Variants in ROR1 observed in about 807,000 individuals in gnomAD.
ROR1 encodes ROR family WNT receptor 1.
ROR1 carries 19 observed loss-of-function variants against 78.8 expected under a neutral mutation model. The observed-to-expected ratio is 0.24, with a 90% CI of 0.17 to 0.35. The LOEUF is 0.35. Ranked by LOEUF, ROR1 falls within the 10% of genes least tolerant of loss-of-function variation. ROR1 has a pLI of 1.00. For synonymous variants in ROR1, 386 were observed against 433.6 expected (o/e 0.89, Z 1.36); for missense variants, 917 against 1,177.8 (o/e 0.78, Z 3.24).
intron 5 of ROR1, among the ~76,000 whole-genome samples, chr1:64,139,558 A>G (rs1649234483): frequency 6.6e-6 from 1 of 152,226 alleles, no homozygotes; most frequent in African/African-American, 2.4e-5. Flanking sequence ...GAACAATTGT[A>G]CTGTGCTCTT....
rs185471079 is a variant in ROR1 at position 64,078,542 on chromosome 1, C to T, written c.482+27826C>T. 6.6e-5 allele frequency among the ~76,000 whole-genome samples: 10 copies of T among 152,132 alleles called. No individual in the cohort carries two copies. The South Asian group carries it at 8.3e-4, about 13-fold the overall frequency. ...GGAGGGATGGCCACGTTTGTTGGTTCACTTTTGAGATGCAGAGCCTATTCC... is the reference window on the plus strand; with the variant it reads ...GGAGGGATGGCCACGTTTGTTGGTTTACTTTTGAGATGCAGAGCCTATTCC... On this transcript the variant is annotated intron_variant, in intron 4 of 8. Transcript: ENST00000371079.
At chr1:64,057,550 T>C (rs1377932423) in intron 4 of ROR1, among the ~76,000 whole-genome samples, 1 of 152,356 alleles carries the variant, frequency 6.6e-6, no homozygotes, top group South Asian at 2.1e-4. Context: ...GCTCATGCCA[T>C]AGTCCACAGG....
rs1032187853 is a variant in ROR1, at chr1:64,179,059, A to G, written c.*204A>G. 5.8e-6 allele frequency: 3 copies of G among 518,236 alleles called. No individual in the cohort carries two copies. Among genetic ancestry groups the G allele is most frequent in the African/African-American group, 1.9e-5 (1 of 51,472 alleles). 32.1% of individuals were successfully genotyped at this position (518,236 alleles called of 1,614,324 possible). On this transcript the variant is annotated 3_prime_UTR_variant, in exon 9 of 9. Coordinates refer to ENST00000371079, the MANE Select transcript of ROR1 (RefSeq NM_005012.4). ...AAAAAAAAAAAAACAAGCAAACAAAAACATTGTGGGATGTGCACTCCATTG... is the reference window on the plus strand; with the variant it reads ...AAAAAAAAAAAAACAAGCAAACAAAGACATTGTGGGATGTGCACTCCATTG...
intron 2 of ROR1, among the ~76,000 whole-genome samples, chr1:64,034,524 G>A (rs1184720737): frequency 2.0e-5 from 3 of 152,046 alleles, no homozygotes; most frequent in Non-Finnish European, 4.4e-5. Context: ...GAATTATTGA[G>A]TCCCCCCTCT....
intron 8 of ROR1, among the ~76,000 whole-genome samples, chr1:64,164,992 T>G (rs1650047189): frequency 6.6e-6 from 1 of 152,210 alleles, no homozygotes; most frequent in African/African-American, 2.4e-5. Context: ...ATTTTCTTTA[T>G]CCAGTCTATC....
chr1:64,129,943 G>A lies in ROR1; in HGVS notation c.483-7426G>A, dbSNP rs1472672902. ...TGAGTTGGACACAAGTAACTCTTCC[G>A]TGCTGCTCTGGAAACTATGACAGAA... On this transcript the variant is annotated intron_variant, in intron 4 of 8. Coordinates refer to ENST00000371079, the MANE Select transcript of ROR1 (RefSeq NM_005012.4). Among the ~76,000 whole-genome samples, 8 of 151,988 alleles carry A rather than the reference G, an allele frequency of 5.3e-5. No homozygotes were observed. The South Asian group carries it at 6.2e-4, about 12-fold the overall frequency.
intron 1 of ROR1, among the ~76,000 whole-genome samples, chr1:63,795,337 A>G (rs927529039): frequency 2.0e-4 from 31 of 152,282 alleles, no homozygotes; most frequent in African/African-American, 7.2e-4. Flanking sequence ...AATCCAAAGT[A>G]TTTGCATTGA....
intron 3 of ROR1, among the ~76,000 whole-genome samples, chr1:64,050,469 G>A (rs1425346021): frequency 6.6e-6 from 1 of 151,540 alleles, no homozygotes; most frequent in Non-Finnish European, 1.5e-5. Context: ...AGCATTTTCA[G>A]GCCCTGAATT....
intron 1 of ROR1, among the ~76,000 whole-genome samples, chr1:63,835,054 C>T (rs1180205703): frequency 6.6e-6 from 1 of 152,128 alleles, no homozygotes; most frequent in Non-Finnish European, 1.5e-5. Context: ...CCCCTAAAGT[C>T]ACACAGCTTC....
At chr1:64,023,568 C>A (rs1646582814) in intron 2 of ROR1, among the ~76,000 whole-genome samples, 1 of 152,136 alleles carries the variant, frequency 6.6e-6, no homozygotes, top group African/African-American at 2.4e-5. Flanking sequence ...CTAGCTCTTG[C>A]AATATCTAAA....
At chr1:64,165,616 T>C (rs578073977) in intron 8 of ROR1, among the ~76,000 whole-genome samples, 1 of 152,266 alleles carries the variant, frequency 6.6e-6, no homozygotes, top group African/African-American at 2.4e-5. Flanking sequence ...TTTTGGTGTC[T>C]TCGTCATGAA....
At chr1:64,037,577 G>T (rs1161439174) in intron 2 of ROR1, among the ~76,000 whole-genome samples, 1 of 152,126 alleles carries the variant, frequency 6.6e-6, no homozygotes, top group Non-Finnish European at 1.5e-5. Flanking sequence ...GTGATGAAAA[G>T]ATGCCTTGGG....
chr1:63,994,908 C>A (rs1414690456), intron 1 of ROR1, among the ~76,000 whole-genome samples: 1 of 152,234 alleles, frequency 6.6e-6, no homozygotes, highest in African/African-American at 2.4e-5. Flanking sequence ...CTGTTCATTG[C>A]AGTTGACTGG....
At chr1:64,002,432 G>A (rs1646392795) in intron 1 of ROR1, among the ~76,000 whole-genome samples, 1 of 152,066 alleles carries the variant, frequency 6.6e-6, no homozygotes, top group South Asian at 2.1e-4. Context: ...CCTGGTTCGA[G>A]CTTTTTCATC....
At chr1:63,871,579 A>C (rs1645251488) in intron 1 of ROR1, among the ~76,000 whole-genome samples, 1 of 152,202 alleles carries the variant, frequency 6.6e-6, no homozygotes, top group Non-Finnish European at 1.5e-5. Context: ...CTGCCAGACA[A>C]ATGGAAACCG....
intron 4 of ROR1, among the ~76,000 whole-genome samples, chr1:64,090,603 C>T (rs953778631): frequency 6.6e-6 from 1 of 152,146 alleles, no homozygotes; most frequent in Non-Finnish European, 1.5e-5. Context: ...AGTTCCGACC[C>T]CACGTGGCCA....
Position 63,941,527 on chromosome 1 carries a change from G to A in ROR1, c.92-67778G>A, listed in dbSNP as rs186976870. ...GAGCCCGGCTGTCTGCCACCACTTA[G>A]CTGTCTTACTTTGGACAAGTCACTG... On this transcript the variant is annotated intron_variant, in intron 1 of 8. Coordinates refer to ENST00000371079, the MANE Select transcript of ROR1 (RefSeq NM_005012.4). 2.0e-5 allele frequency among the ~76,000 whole-genome samples: 3 copies of A among 152,286 alleles called. No individual in the cohort carries two copies. In the East Asian group the frequency reaches 5.8e-4, roughly 29 times the overall value.
intron 1 of ROR1, among the ~76,000 whole-genome samples, chr1:63,797,307 C>T (rs915573056): frequency 5.9e-5 from 9 of 152,152 alleles, no homozygotes; most frequent in Non-Finnish European, 1.2e-4. Flanking sequence ...ATTGGTGGAT[C>T]CAGGCTAGAA....
chr1:63,973,111 G>A (rs577520331), intron 1 of ROR1, among the ~76,000 whole-genome samples: 1 of 152,326 alleles, frequency 6.6e-6, no homozygotes, highest in Non-Finnish European at 1.5e-5. Flanking sequence ...TCTTGGCTTT[G>A]CAGCAATACT....
Sources: allele counts gnomAD v4.1 joint callset (sites outside exome capture counted in the v4.1 genomes callset), GRCh38; gene constraint gnomAD v4.1.1; transcripts MANE v1.5; gene names NCBI Gene and HGNC (gene_info 2026-07-23, HGNC 2026-07-21).